DPYD: variants seen among roughly 807,000 people sequenced by gnomAD.
The protein encoded by DPYD is dihydropyrimidine dehydrogenase [NADP(+)].
In DPYD, 109 loss-of-function variants were observed where a neutral mutation model predicts 116.2. The observed-to-expected ratio is 0.94, with a 90% CI of 0.80 to 1.10. The LOEUF is 1.10. DPYD is among the 50% of genes least tolerant of loss of function. The pLI is 0.00. For synonymous variants in DPYD, 440 were observed against 432.0 expected, an observed-to-expected ratio of 1.02 and a Z score of -0.23; for missense variants, 1,302 against 1,254.5, an observed-to-expected ratio of 1.04 and a Z score of -0.57.
At chr1:97,377,202 C>A (rs1464223118) in intron 15 of DPYD, among the ~76,000 whole-genome samples, 2 of 151,690 alleles carry the variant, frequency 1.3e-5, no homozygotes, top group Non-Finnish European at 2.9e-5. Flanking sequence ...AAGGCTAACA[C>A]AGGAAATGAA....
chr1:97,819,461 TAAA>T (rs1028218809), intron 3 of DPYD, among the ~76,000 whole-genome samples: 1 of 151,760 alleles, frequency 6.6e-6, no homozygotes, highest in Non-Finnish European at 1.5e-5. Context: ...CTTTGAAAAT[TAAA>T]AAAAAGTTAC....
intron 8 of DPYD, among the ~76,000 whole-genome samples, chr1:97,622,988 G>C (rs2100774986): frequency 6.6e-6 from 1 of 152,098 alleles, no homozygotes. Flanking sequence ...TGATACTGAA[G>C]GGCAAAACAG....
At chr1:97,895,570 A>G (rs560477885) in intron 1 of DPYD, among the ~76,000 whole-genome samples, 2 of 151,888 alleles carry the variant, frequency 1.3e-5, no homozygotes, top group African/African-American at 4.8e-5. Flanking sequence ...GTTAAAAATA[A>G]GAACTGATAT....
chr1:97,515,809 G>GCA lies in DPYD; in HGVS notation c.1656_1657insTG (p.Pro553CysfsTer8). 6.2e-7 allele frequency: 1 copy of GCA among 1,612,940 alleles called. No individual in the cohort carries two copies. The highest frequency in any genetic ancestry group is 8.5e-7 in the Non-Finnish European group (1 of 1,179,292). On this transcript the variant is annotated frameshift_variant, in exon 13 of 23. Transcript: ENST00000370192. LOFTEE classifies it high-confidence loss of function. ...CGAATCATTGATGTGCTGGTGGCTGGAGTTGCGCTAGCAAGACCAAAAGGA... is the reference window on the plus strand; with the variant it reads ...CGAATCATTGATGTGCTGGTGGCTGGCAAGTTGCGCTAGCAAGACCAAAAGGA...
At chr1:97,523,626 T>A (rs778735335) in intron 12 of DPYD, among the ~76,000 whole-genome samples, 8 of 152,218 alleles carry the variant, frequency 5.3e-5, no homozygotes, top group Non-Finnish European at 5.9e-5. Context: ...AAATATTTTT[T>A]GCTTCCACTT....
intron 18 of DPYD, among the ~76,000 whole-genome samples, chr1:97,256,260 G>T (rs944760044): frequency 6.6e-6 from 1 of 152,156 alleles, no homozygotes; most frequent in South Asian, 2.1e-4. Context: ...AAACAATGCT[G>T]TATAGCTCCC....
At chr1:97,399,836 A>G (rs1280882603) in intron 14 of DPYD, among the ~76,000 whole-genome samples, 21 of 152,176 alleles carry the variant, frequency 1.4e-4, no homozygotes, top group Admixed American at 1.4e-3. Flanking sequence ...TATCAGCTTA[A>G]GGAGATTTTG....
chr1:97,566,169 G>A (rs567685637), intron 11 of DPYD, among the ~76,000 whole-genome samples: 13 of 152,170 alleles, frequency 8.5e-5, no homozygotes, highest in South Asian at 8.3e-4. Context: ...GTGCTTCCTC[G>A]GGAATCTAAA....
At chr1:97,249,606 A>G (rs556790410) in intron 18 of DPYD, among the ~76,000 whole-genome samples, 2 of 152,248 alleles carry the variant, frequency 1.3e-5, no homozygotes, top group East Asian at 3.9e-4. Context: ...TTTAAAAAAA[A>G]AATTGATAAA....
chr1:97,214,704 G>A (rs1264663914), intron 19 of DPYD, among the ~76,000 whole-genome samples: 1 of 152,116 alleles, frequency 6.6e-6, no homozygotes, highest in Non-Finnish European at 1.5e-5. Flanking sequence ...ATTTTTTCCT[G>A]TGATGGATTA....
At position 97,450,142 on chromosome 1, in the gene DPYD, GAA is replaced by G. The variant is rs1443384944; in HGVS notation, c.1820_1821del (p.Phe607SerfsTer4). 1 of 1,613,928 alleles carries G rather than the reference GAA, an allele frequency of 6.2e-7. No homozygotes were observed. Among genetic ancestry groups the G allele is most frequent in the Non-Finnish European group, 8.5e-7 (1 of 1,179,888 alleles). On this transcript the variant is annotated frameshift_variant, in exon 14 of 23. Coordinates refer to ENST00000370192, the MANE Select transcript of DPYD (RefSeq NM_000110.4). LOFTEE classifies it high-confidence loss of function. The stretch of plus-strand genomic sequence containing the variant: ...TTCTCACTGATGAGCTCAATATTCA[GAA>G]AGGAGCTTTGTCCAGGGCCATACAT... ...GPMYGPGQSS[F>X]LNIELISEKT... is the part of the protein sequence containing the mutation.
chr1:97,422,979 G>C (rs1201328255), intron 14 of DPYD, among the ~76,000 whole-genome samples: 2 of 152,048 alleles, frequency 1.3e-5, no homozygotes, highest in Non-Finnish European at 2.9e-5. Flanking sequence ...GGTGAACAAT[G>C]ACTCAATTCA....
chr1:97,133,660 T>G (rs1295026805), intron 20 of DPYD, among the ~76,000 whole-genome samples: 1 of 152,044 alleles, frequency 6.6e-6, no homozygotes, highest in Non-Finnish European at 1.5e-5. Flanking sequence ...GTATGAAAAC[T>G]TCTATGATAC....
At chr1:97,179,096 T>C (rs1220125865) in intron 20 of DPYD, among the ~76,000 whole-genome samples, 1 of 152,122 alleles carries the variant, frequency 6.6e-6, no homozygotes, top group African/African-American at 2.4e-5. Context: ...TTGCCTCTTA[T>C]AAAACCAGAG....
intron 11 of DPYD, among the ~76,000 whole-genome samples, chr1:97,562,793 G>T (rs1296623965): frequency 1.3e-5 from 2 of 152,012 alleles, no homozygotes; most frequent in African/African-American, 2.4e-5. Flanking sequence ...ATCTTGGCTC[G>T]CTGCAACCTC....
chr1:97,788,412 C>T (rs1667151335), intron 3 of DPYD, among the ~76,000 whole-genome samples: 1 of 152,126 alleles, frequency 6.6e-6, no homozygotes, highest in Non-Finnish European at 1.5e-5. Context: ...TGCCAGATAC[C>T]TTAGCTGACG....
At chr1:97,896,553 T>C (rs1673081102) in intron 1 of DPYD, among the ~76,000 whole-genome samples, 2 of 152,064 alleles carry the variant, frequency 1.3e-5, no homozygotes, top group South Asian at 4.1e-4. Context: ...TATTGAGATA[T>C]AATTCACTTA....
intron 3 of DPYD, among the ~76,000 whole-genome samples, chr1:97,788,542 G>A (rs1407274405): frequency 1.3e-5 from 2 of 152,166 alleles, no homozygotes; most frequent in Non-Finnish European, 1.5e-5. Context: ...TACCCACTGA[G>A]TCCAGCCAAT....
chr1:97,453,612 C>T (rs895545556), intron 13 of DPYD, among the ~76,000 whole-genome samples: 5 of 152,022 alleles, frequency 3.3e-5, no homozygotes, highest in African/African-American at 1.2e-4. Flanking sequence ...AATAAGCTGA[C>T]AATATTTAAT....
Sources: gnomAD v4.1 joint callset for allele counts (sites outside exome capture counted in the v4.1 genomes callset) on GRCh38, gnomAD v4.1.1 for gene constraint, MANE v1.5 for transcripts, NCBI Gene and HGNC (gene_info 2026-07-23, HGNC 2026-07-21) for gene names.